Variants in RANBP2 observed in about 807,000 individuals in gnomAD.
The protein encoded by RANBP2 is RAN binding protein 2, also known as E3 SUMO-protein ligase RanBP2.
RANBP2 carries 57 observed loss-of-function variants against 303.6 expected under a neutral mutation model. The observed-to-expected ratio is 0.19, with a 90% CI of 0.15 to 0.23. The LOEUF is 0.23. RANBP2 is among the 10% of genes least tolerant of loss of function. RANBP2 has a pLI of 1.00. For missense variants in RANBP2, 3,138 were observed against 3,780.8 expected, an observed-to-expected ratio of 0.83 and a Z score of 4.46; for synonymous variants, 1,167 against 1,301.5, an observed-to-expected ratio of 0.90 and a Z score of 2.23.
At chr2:108,842,498 A>G in the RANBP2 span, among the ~76,000 whole-genome samples, 1 of 152,114 alleles carries the variant, frequency 6.6e-6, no homozygotes, top group Non-Finnish European at 1.5e-5. Context: ...TGTTACCCAT[A>G]CAGGTTTTTC....
intron 1 of RANBP2, among the ~76,000 whole-genome samples, chr2:108,727,389 A>G (rs1724188): frequency 0.26 from 38,809 of 152,138 alleles, 5,259 homozygotes; most frequent in African/African-American, 0.34. Context: ...AGTTACAGCC[A>G]TAGTGTGTGA....
At chr2:109,129,240 C>T in the RANBP2 span, 1 of 569,884 alleles carries the variant, frequency 1.8e-6, no homozygotes, top group Non-Finnish European at 3.2e-6. Context: ...GGCAGCACCC[C>T]CGGTCCCCCG....
chr2:108,755,939 T>G (rs1315130389), intron 17 of RANBP2, among the ~76,000 whole-genome samples: 2 of 151,914 alleles, frequency 1.3e-5, no homozygotes, highest in Admixed American at 6.5e-5. Context: ...GGCCAAGCTG[T>G]TTTTGAACTT....
chr2:109,377,552 T>A, the RANBP2 span, among the ~76,000 whole-genome samples: 2 of 152,076 alleles, frequency 1.3e-5, no homozygotes, highest in Non-Finnish European at 2.9e-5. Flanking sequence ...ATTAATATGG[T>A]GTGGTGTTTG....
the RANBP2 span, among the ~76,000 whole-genome samples, chr2:109,020,626 A>G: frequency 6.6e-6 from 1 of 152,234 alleles, no homozygotes; most frequent in Non-Finnish European, 1.5e-5. Flanking sequence ...CAATAATCTA[A>G]CAATGAGGAC....
the RANBP2 span, among the ~76,000 whole-genome samples, chr2:109,200,246 A>G: frequency 4.0e-5 from 6 of 151,738 alleles, no homozygotes; most frequent in Non-Finnish European, 2.9e-5. Context: ...CCTATCCTGC[A>G]CCTGTAGTTG....
the RANBP2 span, among the ~76,000 whole-genome samples, chr2:108,949,264 G>A: frequency 1.3e-3 from 197 of 152,312 alleles, no homozygotes; most frequent in African/African-American, 4.5e-3. Flanking sequence ...TTACAGGTGT[G>A]AGCCACCAAG....
the RANBP2 span, among the ~76,000 whole-genome samples, chr2:109,375,529 C>T: frequency 1.3e-5 from 2 of 152,236 alleles, no homozygotes; most frequent in Non-Finnish European, 2.9e-5. Context: ...TCCACCGGGC[C>T]TTCCTTCTGG....
At chr2:109,571,419 C>T in the RANBP2 span, among the ~76,000 whole-genome samples, 33 of 152,252 alleles carry the variant, frequency 2.2e-4, no homozygotes, top group African/African-American at 7.0e-4. Flanking sequence ...TATGGTATGG[C>T]TCATTGTTTC....
the RANBP2 span, among the ~76,000 whole-genome samples, chr2:109,592,089 C>T: frequency 1.3e-5 from 2 of 152,144 alleles, no homozygotes; most frequent in South Asian, 4.1e-4. Flanking sequence ...AGGGAGGCAG[C>T]TGGCAGGACC....
the RANBP2 span, among the ~76,000 whole-genome samples, chr2:109,525,725 C>T: frequency 6.6e-6 from 1 of 152,164 alleles, no homozygotes; most frequent in African/African-American, 2.4e-5. Flanking sequence ...CAGTGGCCCT[C>T]TGGCCACTGT....
the RANBP2 span, among the ~76,000 whole-genome samples, chr2:109,270,580 C>A: frequency 6.6e-6 from 1 of 152,150 alleles, no homozygotes; most frequent in Non-Finnish European, 1.5e-5. Context: ...CGTTTCAGGT[C>A]AAAGCGGACT....
chr2:109,303,291 C>T, the RANBP2 span, among the ~76,000 whole-genome samples: 2 of 152,214 alleles, frequency 1.3e-5, no homozygotes, highest in Non-Finnish European at 2.9e-5. Flanking sequence ...GAATTTGGAA[C>T]GTCCATCCAT....
chr2:109,718,534 T>C, the RANBP2 span, among the ~76,000 whole-genome samples: 1 of 152,116 alleles, frequency 6.6e-6, no homozygotes, highest in Non-Finnish European at 1.5e-5. Flanking sequence ...AGTAGATTTG[T>C]AGTTGCTCAG....
At chr2:109,674,153 T>C in the RANBP2 span, among the ~76,000 whole-genome samples, 1 of 152,280 alleles carries the variant, frequency 6.6e-6, no homozygotes, top group South Asian at 2.1e-4. Flanking sequence ...ATGTTGTTTC[T>C]TGATGCCAGC....
chr2:109,147,469 TC>T, the RANBP2 span, among the ~76,000 whole-genome samples: 1 of 152,212 alleles, frequency 6.6e-6, no homozygotes, highest in African/African-American at 2.4e-5. Flanking sequence ...TTTATAATTT[TC>T]CATCTACCAC....
At chr2:109,537,426 T>C in the RANBP2 span, among the ~76,000 whole-genome samples, 1 of 152,220 alleles carries the variant, frequency 6.6e-6, no homozygotes, top group Non-Finnish European at 1.5e-5. Context: ...TTTTATATAT[T>C]CTTGGGTTCC....
chr2:109,692,316 T>A, the RANBP2 span, among the ~76,000 whole-genome samples: 1 of 151,696 alleles, frequency 6.6e-6, no homozygotes, highest in African/African-American at 2.4e-5. Flanking sequence ...GGCGCTGGGG[T>A]TACAGCAGAG....
the RANBP2 span, among the ~76,000 whole-genome samples, chr2:109,631,332 A>G: frequency 1.3e-5 from 2 of 152,342 alleles, no homozygotes; most frequent in Middle Eastern, 3.4e-3. Context: ...TATGAATTGG[A>G]AAAATTATAC....
Sources: gnomAD v4.1 joint callset for allele counts (sites outside exome capture counted in the v4.1 genomes callset) on GRCh38, gnomAD v4.1.1 for gene constraint, MANE v1.5 for transcripts, NCBI Gene and HGNC (gene_info 2026-07-23, HGNC 2026-07-21) for gene names.